GAS7: variants seen among roughly 807,000 people sequenced by gnomAD.
GAS7 encodes growth arrest-specific protein 7.
In GAS7, 28 loss-of-function variants were observed where a neutral mutation model predicts 71.1. The observed-to-expected ratio is 0.39, with a 90% CI of 0.29 to 0.54. The LOEUF is 0.54. Among genes scored for constraint, GAS7 ranks in the 20% least tolerant of loss-of-function variants. The pLI is 0.62. For synonymous variants in GAS7, 258 were observed against 245.8 expected (o/e 1.05, Z -0.46); for missense variants, 436 against 627.8 (o/e 0.69, Z 3.27).
chr17:9,990,016 T>A (rs965623375), intron 2 of GAS7, among the ~76,000 whole-genome samples: 3 of 152,264 alleles, frequency 2.0e-5, no homozygotes, highest in African/African-American at 7.2e-5. Flanking sequence ...ACGCCTGTAA[T>A]CCCAGCACTT....
At chr17:10,110,581 T>C (rs1402758451) in intron 1 of GAS7, among the ~76,000 whole-genome samples, 5 of 152,132 alleles carry the variant, frequency 3.3e-5, no homozygotes, top group Non-Finnish European at 5.9e-5. Context: ...TTCTCCTGTC[T>C]AAGCCTCAGC....
chr17:10,146,968 AC>A (rs1041709748), intron 1 of GAS7, among the ~76,000 whole-genome samples: 4 of 152,074 alleles, frequency 2.6e-5, no homozygotes, highest in Non-Finnish European at 5.9e-5. Flanking sequence ...CATAAAAAAA[AC>A]GATCTCTGTC....
intron 2 of GAS7, among the ~76,000 whole-genome samples, chr17:10,019,412 T>C (rs1396861658): frequency 6.6e-6 from 1 of 152,126 alleles, no homozygotes; most frequent in African/African-American, 2.4e-5. Context: ...TGACTTTGCC[T>C]CGTTCATTTT....
At chr17:10,049,609 CTTTTTTTTTTTTT>C (rs1168627510) in intron 1 of GAS7, among the ~76,000 whole-genome samples, 2 of 70,394 alleles carry the variant, frequency 2.8e-5, no homozygotes, top group African/African-American at 5.1e-5. Context: ...GAAATTACTT[CTTTTTTTTTTTTT>C]TTTTTTTTTT....
intron 1 of GAS7, among the ~76,000 whole-genome samples, chr17:10,063,280 GCA>G (rs997557539): frequency 1.4e-4 from 22 of 152,188 alleles, no homozygotes; most frequent in African/African-American, 5.1e-4. Context: ...GTGTGCGCGC[GCA>G]CGCGTTTGTG....
At chr17:10,182,311 C>T (rs868575737) in intron 1 of GAS7, among the ~76,000 whole-genome samples, 1 of 152,194 alleles carries the variant, frequency 6.6e-6, no homozygotes, top group African/African-American at 2.4e-5. Flanking sequence ...AGGCGCCCAC[C>T]ACCACGCTCG....
At chr17:10,195,222 G>A (rs886615936) in intron 1 of GAS7, among the ~76,000 whole-genome samples, 3 of 152,150 alleles carry the variant, frequency 2.0e-5, no homozygotes, top group African/African-American at 7.2e-5. Flanking sequence ...CCTCCTCCAA[G>A]CTGGCCTCCT....
chr17:10,029,903 C>G (rs1299330628), intron 1 of GAS7, among the ~76,000 whole-genome samples: 1 of 151,838 alleles, frequency 6.6e-6, no homozygotes, highest in Admixed American at 6.6e-5. Flanking sequence ...TAGAAGAGAT[C>G]AAGAGGCAGG....
At chr17:10,094,188 A>G (rs1170882831) in intron 1 of GAS7, among the ~76,000 whole-genome samples, 1 of 152,226 alleles carries the variant, frequency 6.6e-6, no homozygotes, top group Non-Finnish European at 1.5e-5. Context: ...TGCAGGCCCC[A>G]GGCACTCAGC....
intron 5 of GAS7, among the ~76,000 whole-genome samples, chr17:9,956,375 G>A (rs992861529): frequency 4.6e-5 from 7 of 152,126 alleles, no homozygotes; most frequent in African/African-American, 7.2e-5. Context: ...CCCCTACCCC[G>A]GGTTCTGTGG....
At chr17:9,992,461 C>A (rs974646210) in intron 2 of GAS7, among the ~76,000 whole-genome samples, 13 of 151,912 alleles carry the variant, frequency 8.6e-5, no homozygotes, top group Non-Finnish European at 1.8e-4. Context: ...GTGAGGGAAG[C>A]CCGGAGGGAA....
chr17:10,169,656 GC>G (rs2142129551), intron 1 of GAS7, among the ~76,000 whole-genome samples: 1 of 152,128 alleles, frequency 6.6e-6, no homozygotes, highest in East Asian at 1.9e-4. Context: ...TTTACAGTTG[GC>G]TTGCTCTGCC....
Position 9,917,203 on chromosome 17 carries a change from A to G in GAS7, c.*25T>C. The G allele has an allele frequency of 4.3e-4, 393 of 908,416 alleles. No homozygotes were observed. Among genetic ancestry groups the G allele is most frequent in the Non-Finnish European group, 6.7e-4 (363 of 539,052 alleles). 56.3% of individuals were successfully genotyped at this position (908,416 alleles called of 1,614,324 possible). A position where few individuals can be genotyped will look rare whatever the true frequency, so the allele number is the denominator to read the frequency against. On this transcript the variant is annotated 3_prime_UTR_variant, in exon 14 of 14. Coordinates refer to ENST00000432992, the MANE Select transcript of GAS7 (RefSeq NM_201433.2). ...GAGCCCAGCCCCCCTCCCCAGCAGG[A>G]CCCCCCGAAGCTGCACAGGCCCATC...
chr17:9,999,461 T>G (rs1177637703), intron 2 of GAS7, among the ~76,000 whole-genome samples: 1 of 151,768 alleles, frequency 6.6e-6, no homozygotes, highest in African/African-American at 2.4e-5. Flanking sequence ...GAGGTTGCAG[T>G]GAGCCGAGAT....
chr17:9,988,686 C>T (rs368872658), intron 2 of GAS7, among the ~76,000 whole-genome samples: 8 of 150,786 alleles, frequency 5.3e-5, no homozygotes, highest in African/African-American at 1.7e-4. Flanking sequence ...GACTCCATCT[C>T]GAAAAAAAAA....
chr17:10,157,330 C>CG (rs944692634), intron 1 of GAS7, among the ~76,000 whole-genome samples: 1 of 152,120 alleles, frequency 6.6e-6, no homozygotes, highest in African/African-American at 2.4e-5. Context: ...CAACTGCCCC[C>CG]GGGAACACCC....
At chr17:10,025,420 T>C (rs2072428394) in intron 1 of GAS7, among the ~76,000 whole-genome samples, 1 of 151,914 alleles carries the variant, frequency 6.6e-6, no homozygotes, top group African/African-American at 2.4e-5. Context: ...CTGATCCTCC[T>C]GTCTCCCAGT....
intron 1 of GAS7, among the ~76,000 whole-genome samples, chr17:10,140,211 C>G (rs1160562023): frequency 6.6e-6 from 1 of 152,162 alleles, no homozygotes; most frequent in Admixed American, 6.5e-5. Context: ...TCTGCAATCC[C>G]AGCACTTTAG....
At chr17:10,051,009 C>A (rs1034277593) in intron 1 of GAS7, among the ~76,000 whole-genome samples, 1 of 152,148 alleles carries the variant, frequency 6.6e-6, no homozygotes, top group East Asian at 1.9e-4. Flanking sequence ...CATGTGCTTA[C>A]CCCTAAACCC....
Sources: gnomAD v4.1 joint callset for allele counts (sites outside exome capture counted in the v4.1 genomes callset) on GRCh38, gnomAD v4.1.1 for gene constraint, MANE v1.5 for transcripts, NCBI Gene and HGNC (gene_info 2026-07-23, HGNC 2026-07-21) for gene names.